The following KCTD8 variants were observed in gnomAD, a reference collection of about 807,000 sequenced individuals.
The protein encoded by KCTD8 is BTB/POZ domain-containing protein KCTD8.
KCTD8 carries 27 observed loss-of-function variants against 31.5 expected under a neutral mutation model. That is an observed-to-expected ratio of 0.86 (90% CI 0.63 to 1.18). The LOEUF (loss-of-function observed/expected upper bound fraction) is 1.18. Ranked by LOEUF, KCTD8 falls within the 50% of genes most tolerant of loss-of-function variation. The pLI is 0.00. For synonymous variants in KCTD8, 290 were observed against 280.0 expected (o/e 1.04, Z -0.36); for missense variants, 658 against 647.7 (o/e 1.02, Z -0.17).
At chr4:44,349,139 A>G (rs967631318) in intron 1 of KCTD8, among the ~76,000 whole-genome samples, 14 of 150,376 alleles carry the variant, frequency 9.3e-5, no homozygotes, top group African/African-American at 3.4e-4. Context: ...AGCTCTAGCA[A>G]CCATCTTCAC....
chr4:44,393,492 C>T (rs1415469533), intron 1 of KCTD8, among the ~76,000 whole-genome samples: 1 of 148,116 alleles, frequency 6.8e-6, no homozygotes, highest in Non-Finnish European at 1.5e-5. Context: ...ATTATATTTC[C>T]AAACAGAACA....
chr4:44,200,018 T>A (rs1172241354), intron 1 of KCTD8, among the ~76,000 whole-genome samples: 1 of 149,664 alleles, frequency 6.7e-6, no homozygotes, highest in African/African-American at 2.6e-5. Flanking sequence ...GAAAGGGTAC[T>A]GTAAACACCT....
chr4:44,419,177 G>A (rs771708359), intron 1 of KCTD8, among the ~76,000 whole-genome samples: 29 of 152,138 alleles, frequency 1.9e-4, no homozygotes, highest in Admixed American at 5.9e-4. Context: ...AAAATTGGGT[G>A]GCAAATATTT....
chr4:44,284,946 G>A (rs974864056), intron 1 of KCTD8, among the ~76,000 whole-genome samples: 1 of 152,134 alleles, frequency 6.6e-6, no homozygotes, highest in Non-Finnish European at 1.5e-5. Context: ...CAGTTAGAAT[G>A]GTGATCATTA....
intron 1 of KCTD8, among the ~76,000 whole-genome samples, chr4:44,195,570 C>G (rs2109336839): frequency 6.6e-6 from 1 of 152,272 alleles, no homozygotes; most frequent in East Asian, 1.9e-4. Flanking sequence ...TTTCGTTCTA[C>G]TGATTTTTCT....
At chr4:44,425,656 A>T (rs1351034161) in intron 1 of KCTD8, among the ~76,000 whole-genome samples, 1 of 152,034 alleles carries the variant, frequency 6.6e-6, no homozygotes, top group Non-Finnish European at 1.5e-5. Flanking sequence ...TATTACTGAC[A>T]AGATGGCAGA....
chr4:44,242,439 G>A (rs1234128087), intron 1 of KCTD8, among the ~76,000 whole-genome samples: 1 of 152,014 alleles, frequency 6.6e-6, no homozygotes, highest in East Asian at 1.9e-4. Context: ...TTAGCTGGGC[G>A]CGGTGGCTGG....
chr4:44,325,579 C>G (rs746155893), intron 1 of KCTD8, among the ~76,000 whole-genome samples: 16 of 151,740 alleles, frequency 1.1e-4, no homozygotes, highest in Non-Finnish European at 1.5e-4. Flanking sequence ...AAATTGCGTG[C>G]CTGTATCAAA....
chr4:44,287,728 A>C (rs992253948), intron 1 of KCTD8, among the ~76,000 whole-genome samples: 13 of 152,192 alleles, frequency 8.5e-5, no homozygotes, highest in Non-Finnish European at 1.3e-4. Context: ...CACAGCAGGC[A>C]TTACTAATTT....
intron 1 of KCTD8, among the ~76,000 whole-genome samples, chr4:44,227,744 G>GCT (rs1405852792): frequency 6.6e-6 from 1 of 152,118 alleles, no homozygotes. Context: ...GAGCCTAAGA[G>GCT]GCAGAGTTGA....
At chr4:44,278,530 G>GA (rs1716813724) in intron 1 of KCTD8, among the ~76,000 whole-genome samples, 1 of 152,004 alleles carries the variant, frequency 6.6e-6, no homozygotes, top group Non-Finnish European at 1.5e-5. Context: ...TTGTAGAGGT[G>GA]ATGATGAAAT....
chr4:44,363,719 T>C (rs1560436535), intron 1 of KCTD8, among the ~76,000 whole-genome samples: 1 of 152,128 alleles, frequency 6.6e-6, no homozygotes, highest in African/African-American at 2.4e-5. Flanking sequence ...GTCACTTTTA[T>C]TGCTTTCATG....
intron 1 of KCTD8, among the ~76,000 whole-genome samples, chr4:44,206,139 A>G (rs1381037307): frequency 6.6e-6 from 1 of 151,988 alleles, no homozygotes; most frequent in Non-Finnish European, 1.5e-5. Context: ...GTGAGTAACA[A>G]TTTAGGTGGA....
chr4:44,277,161 C>T (rs1716773539), intron 1 of KCTD8, among the ~76,000 whole-genome samples: 1 of 151,744 alleles, frequency 6.6e-6, no homozygotes, highest in African/African-American at 2.4e-5. Flanking sequence ...GACAGACCAT[C>T]AACTCCTAAA....
chr4:44,441,725 A>T (rs186632849), intron 1 of KCTD8, among the ~76,000 whole-genome samples: 125 of 152,334 alleles, frequency 8.2e-4, no homozygotes, highest in African/African-American at 2.9e-3. Flanking sequence ...CTATTAGGGA[A>T]CTAATGTCAA....
chr4:44,316,328 A>G (rs759651269), intron 1 of KCTD8, among the ~76,000 whole-genome samples: 88 of 152,236 alleles, frequency 5.8e-4, no homozygotes, highest in Non-Finnish European at 7.5e-4. Context: ...TATAAGGGCA[A>G]TAAGAATTAT....
At chr4:44,242,671 C>T (rs1715541089) in intron 1 of KCTD8, among the ~76,000 whole-genome samples, 1 of 151,906 alleles carries the variant, frequency 6.6e-6, no homozygotes, top group Non-Finnish European at 1.5e-5. Context: ...AAATTTAATT[C>T]CCCAGTATTG....
intron 1 of KCTD8, among the ~76,000 whole-genome samples, chr4:44,355,029 C>T (rs1719306370): frequency 1.3e-5 from 2 of 152,106 alleles, no homozygotes; most frequent in South Asian, 4.1e-4. Flanking sequence ...TGTCTCAACA[C>T]ATTGTCTTAT....
At chr4:44,320,821 TAA>T (rs35748647) in intron 1 of KCTD8, among the ~76,000 whole-genome samples, 118 of 136,236 alleles carry the variant, frequency 8.7e-4, no homozygotes, top group African/African-American at 2.8e-3. Context: ...TCCTGATTCT[TAA>T]AAAAAAAAAA....
Sources: gnomAD v4.1 joint callset for allele counts (sites outside exome capture counted in the v4.1 genomes callset) on GRCh38, gnomAD v4.1.1 for gene constraint, MANE v1.5 for transcripts, NCBI Gene and HGNC (gene_info 2026-07-23, HGNC 2026-07-21) for gene names.